The following KMT2D variants were observed in gnomAD, a reference collection of about 807,000 sequenced individuals.
The protein encoded by KMT2D is histone-lysine N-methyltransferase 2D.
In KMT2D, 55 loss-of-function variants were observed where a neutral mutation model predicts 512.7. The observed-to-expected ratio is 0.11, with a 90% CI of 0.09 to 0.13. The LOEUF is 0.13. Among genes scored for constraint, KMT2D ranks in the 10% least tolerant of loss-of-function variants. The probability of loss-of-function intolerance (pLI) is 1.00; values close to 1 mark genes in which losing one functional copy is unlikely to be tolerated. For synonymous variants in KMT2D, 2,995 were observed against 2,904.0 expected (o/e 1.03, Z -1.01); for missense variants, 6,061 against 7,127.9 (o/e 0.85, Z 5.39).
chr12:49,039,336 A>G lies in KMT2D; in HGVS notation c.8252T>C (p.Leu2751Ser), dbSNP rs1336704788. The G allele has an allele frequency of 6.2e-7, 1 of 1,613,462 alleles. No homozygotes were observed. The highest frequency in any genetic ancestry group is 1.7e-5 in the Admixed American group (1 of 59,960). ...GTQDKSSLVG[L>S]PPSKLSGPIL... ...GGGGCCACTCAGCTTGCTTGGGGGC[A>G]ACCCCACAAGGCTGCTCTTGTCCTA... The change falls in exon 34 of 55, where the codon TTG (leucine) becomes TCG (serine). Residue 2751 changes from leucine (L) to serine (S), a missense_variant. Leu to Ser is a moderately radical substitution (Grantham distance 145, BLOSUM62 -2). Around this residue, in one of 16 missense-constraint regions of KMT2D, gnomAD observed 527 missense variants for 578.9 expected, o/e 0.91. Transcript: ENST00000301067. This position sits in a 1 kb window ranked among gnomAD's most constrained non-coding sequence, Gnocchi z 5.0.
At position 49,044,040 on chromosome 12, in the gene KMT2D, G is replaced by A. The variant is rs751296002; in HGVS notation, c.5189-42C>T. 3.7e-6 allele frequency: 6 copies of A among 1,610,328 alleles called. No homozygotes were observed. Among genetic ancestry groups the A allele is most frequent in the African/African-American group, 1.3e-5 (1 of 74,864 alleles). Reference sequence around the variant, plus strand: ...AGTGTCAGACTCGGGTTGAGAGCATGCTGCTCCCAACTTGCAGGGTGACAC... The same window carrying A: ...AGTGTCAGACTCGGGTTGAGAGCATACTGCTCCCAACTTGCAGGGTGACAC... On this transcript the variant is annotated intron_variant, in intron 22 of 54. Transcript: ENST00000301067. This position sits in a 1 kb window ranked among gnomAD's most constrained non-coding sequence, Gnocchi z 6.4.
Position 49,040,240 on chromosome 12 carries a change from G to A in KMT2D, c.7530C>T (p.Val2510=), listed in dbSNP as rs1327391253. ...AGPAGELHAK[V]PSGQPPNFVR... Reference sequence around the variant, plus strand: ...CAAAATTGGGGGGCTGCCCACTTGGGACCTTGGCATGGAGCTCACCTGCTG... The same window carrying A: ...CAAAATTGGGGGGCTGCCCACTTGGAACCTTGGCATGGAGCTCACCTGCTG... Residue 2510 remains valine, a synonymous_variant, in exon 32 of 55, where the codon GTC becomes GTT. Transcript: ENST00000301067. 1 of 1,612,952 alleles carries A rather than the reference G, an allele frequency of 6.2e-7. No individual in the cohort carries two copies. Among genetic ancestry groups the A allele is most frequent in the Admixed American group, 1.7e-5 (1 of 59,990 alleles).
In KMT2D at chr12:49,052,178, G is replaced by A. The variant is rs1449395575; in HGVS notation, c.1505C>T (p.Pro502Leu). The change falls in exon 11 of 55, where the codon CCT becomes CTT. Residue 502 changes from proline to leucine, a missense_variant. Coordinates refer to ENST00000301067, the MANE Select transcript of KMT2D (RefSeq NM_003482.4). The part of the protein sequence containing the change: ...SPLSPPPEES[P>L]LSPPPESSPF... The stretch of plus-strand genomic sequence containing the variant: ...TGATGATTCAGGTGGGGGAGACAGA[G>A]GAGACTCCTCAGGCGGCGGAGAGAG... The A allele has an allele frequency of 6.2e-7, 1 of 1,613,598 alleles. No homozygotes were observed. The highest frequency in any genetic ancestry group is 1.1e-5 in the South Asian group (1 of 91,076).
At chr12:49,056,565 C>T (rs1592165075) in intron 1 of KMT2D, among the ~76,000 whole-genome samples, 2 of 152,202 alleles carry the variant, frequency 1.3e-5, no homozygotes, top group South Asian at 4.1e-4. Context: ...TAGACCCTTT[C>T]TCTTAATCAG....
rs376896214 is a variant in KMT2D at position 49,050,454 on chromosome 12, G to A, written c.3134C>T (p.Pro1045Leu). ...GGAGGGAACGGACAGTGGTAGGGCA[G>A]GAGGAGAGCACTGGGAAGGAGGGGA... is the stretch of plus-strand genomic sequence containing the variant. ...QNSPPSQCSP[P>L]ALPLSVPSPL... The change falls in exon 12 of 55, where the codon CCT (proline) becomes CTT (leucine). Residue 1045 changes from proline to leucine, a missense_variant. Physicochemically the swap from Pro to Leu is moderately conservative, Grantham distance 98. Transcript: ENST00000301067. 8.7e-6 allele frequency: 14 copies of A among 1,613,902 alleles called. No individual in the cohort carries two copies. In the African/African-American group the frequency reaches 1.6e-4, roughly 18 times the overall value.
chr12:49,028,173 A>AT, intron 46 of KMT2D, 32 bp from the exon 47 acceptor site: 2 of 1,613,454 alleles, frequency 1.2e-6, no homozygotes, highest in Non-Finnish European at 1.7e-6. Flanking sequence ...TGGAAGAAAC[A>AT]TATCAGCCAA....
Position 49,046,339 on chromosome 12 carries a change from C to T in KMT2D, c.4504G>A (p.Ala1502Thr), listed in dbSNP as rs1203446431. The stretch of plus-strand genomic sequence containing the variant: ...CAGATAGGGCAGGTCACCAGGCTGG[C>T]ACAGGGCCCACAGTGTGTGTAACTA... ...QNSYTHCGPC[A>T]SLVTCPICHA... Residue 1502 changes from alanine to threonine, a missense_variant, in exon 17 of 55, where the codon GCC becomes ACC. Coordinates refer to ENST00000301067, the MANE Select transcript of KMT2D (RefSeq NM_003482.4). This position sits in a 1 kb window ranked among gnomAD's most constrained non-coding sequence, Gnocchi z 4.2. 2 of 1,613,962 alleles carry T rather than the reference C, an allele frequency of 1.2e-6. No homozygotes were observed. Among genetic ancestry groups the T allele is most frequent in the Non-Finnish European group, 1.7e-6 (2 of 1,179,878 alleles).
rs1392684691 is a variant in KMT2D at position 49,037,484 on chromosome 12, G to A, written c.9872C>T (p.Pro3291Leu). 1 of 1,560,968 alleles carries A rather than the reference G, an allele frequency of 6.4e-7. No individual in the cohort carries two copies. Among genetic ancestry groups the A allele is most frequent in the Non-Finnish European group, 8.7e-7 (1 of 1,152,538 alleles). Reference sequence around the variant, plus strand: ...ATGTGGCAAAGACATGGCCTGGGCAGGGCCTGGTGCAGACAGTAGGGAATG... The same window carrying A: ...ATGTGGCAAAGACATGGCCTGGGCAAGGCCTGGTGCAGACAGTAGGGAATG... ...QQHSLLSAPG[P>L]AQAMSLPHEG... is the part of the protein sequence containing the mutation. The change falls in exon 35 of 55, where the codon CCT becomes CTT. Residue 3291 changes from proline to leucine, a missense_variant. This residue lies in a region of KMT2D where 533 missense variants were observed against 539.6 expected (regional missense o/e 0.99). Transcript: ENST00000301067.
rs1213099379 is a variant in KMT2D at position 49,039,123 on chromosome 12, T to C, written c.8366+99A>G. 3 of 1,545,908 alleles carry C rather than the reference T, an allele frequency of 1.9e-6. No homozygotes were observed. Among genetic ancestry groups the C allele is most frequent in the Non-Finnish European group, 2.7e-6 (3 of 1,125,066 alleles). ...AATGAGGAAGAAGAGAAAGTGATAC[T>C]GGAAAAGGATTAGTGATACAGGAAA... On this transcript the variant is annotated intron_variant, in intron 34 of 54. Coordinates refer to ENST00000301067, the MANE Select transcript of KMT2D (RefSeq NM_003482.4). The surrounding 1 kb of genome is among the most constrained non-coding windows in gnomAD (Gnocchi z 5.0).
In KMT2D at chr12:49,032,798, C is replaced by T. The variant is rs375458808; in HGVS notation, c.11907G>A (p.Gln3969=). ...AAAGGCCCATCTGCTGCTGTTGCTG[C>T]TGCTGTTGAAACTGCTGCTGTTGTT... is the stretch of plus-strand genomic sequence containing the variant. The part of the protein sequence containing the change: ...QQQQQQQFQQ[Q]QQQQQMGLLN... The change falls in exon 40 of 55, where the codon CAG becomes CAA. Residue 3969 remains glutamine (Q), a synonymous_variant. Coordinates refer to ENST00000301067, the MANE Select transcript of KMT2D (RefSeq NM_003482.4). The T allele has an allele frequency of 1.5e-5, 23 of 1,552,668 alleles. No individual in the cohort carries two copies. Among genetic ancestry groups the T allele is most frequent in the South Asian group, 2.4e-5 (2 of 84,256 alleles).
chr12:49,030,826 AC>A, intron 41 of KMT2D, 58 bp from the exon 42 acceptor site: 1 of 1,612,688 alleles, frequency 6.2e-7, no homozygotes, highest in Non-Finnish European at 8.5e-7. Context: ...GCTGTCTTGC[AC>A]AGCTGGGGGA....
At position 49,040,707 on chromosome 12, in the gene KMT2D, C is replaced by A. The variant is rs2120533005; in HGVS notation, c.7063G>T (p.Ala2355Ser). The A allele has an allele frequency of 6.2e-7, 1 of 1,613,654 alleles. No individual in the cohort carries two copies. Among genetic ancestry groups the A allele is most frequent in the Non-Finnish European group, 8.5e-7 (1 of 1,179,772 alleles). Residue 2355 changes from alanine (A) to serine (S), a missense_variant, in exon 32 of 55, where the codon GCC (alanine) becomes TCC (serine). Ala to Ser is a moderately conservative substitution (Grantham distance 99). Coordinates refer to ENST00000301067, the MANE Select transcript of KMT2D (RefSeq NM_003482.4). ...LGLRPQEPPP[A>S]QALAPSPPSH... Reference sequence around the variant, plus strand: ...GGAGGAGAAGGTGCCAAAGCCTGGGCAGGGGGTGGCTCCTGGGGCCTTAGG... The same window carrying A: ...GGAGGAGAAGGTGCCAAAGCCTGGGAAGGGGGTGGCTCCTGGGGCCTTAGG...
Position 49,060,596 on chromosome 12 carries a change from C to A in KMT2D, c.-1021G>T, listed in dbSNP as rs924858289. ...AGTGCAGCGCGGCGCCGCTCCGCCT[C>A]CCCCCCTCCGCCTCCTGTTCGGCCG... On this transcript the variant is annotated 5_prime_UTR_variant, in exon 1 of 55. Transcript: ENST00000301067. Among the ~76,000 whole-genome samples the A allele has an allele frequency of 4.0e-5, 6 of 151,804 alleles. No homozygotes were observed. Among genetic ancestry groups the A allele is most frequent in the Admixed American group, 1.3e-4 (2 of 15,208 alleles).
At chr12:49,034,978 G>A (rs2120462974) in intron 35 of KMT2D, 43 bp from the exon 36 acceptor site, 6 of 1,607,746 alleles carry the variant, frequency 3.7e-6, no homozygotes, top group Non-Finnish European at 5.1e-6. Flanking sequence ...TGGGGCCAAT[G>A]CTCCAGTGAA....
Position 49,037,551 on chromosome 12 carries a change from G to C in KMT2D, c.9805C>G (p.Gln3269Glu), listed in dbSNP as rs2120481555. The C allele has an allele frequency of 6.4e-7, 1 of 1,554,150 alleles. No homozygotes were observed. Among genetic ancestry groups the C allele is most frequent in the Non-Finnish European group, 8.7e-7 (1 of 1,148,572 alleles). ...ELQKKQQLSA[Q>E]LQPAQQQQQQ... ...TGCTGCTGCTGGGCAGGCTGCAACT[G>C]TGCTGAAAGCTGCTGCTTCTTCTGC... Residue 3269 changes from glutamine (Q) to glutamate (E), a missense_variant, in exon 35 of 55, where the codon CAG becomes GAG. By Grantham distance (29) the Gln-to-Glu change is conservative. Transcript: ENST00000301067.
chr12:49,021,316 A>AG lies in KMT2D; in HGVS notation c.*463dup, dbSNP rs201717312. 2,302 of 240,918 alleles carry AG rather than the reference A, an allele frequency of 9.6e-3. 13 individuals are homozygous for AG. Among genetic ancestry groups the AG allele is most frequent in the Non-Finnish European group, 0.014 (1,760 of 122,734 alleles). The allele number at this position is 240,918 out of a possible 1,614,324, so 14.9% of individuals were successfully genotyped here. ...AGGGTGGGGGCAGGACCCGGCAGGC[A>AG]GGGCCAGGTGTGGGACCCGGCCTTT... On this transcript the variant is annotated 3_prime_UTR_variant, in exon 55 of 55. Transcript: ENST00000301067.
intron 49 of KMT2D, among the ~76,000 whole-genome samples, chr12:49,025,824 AAAT>A: frequency 6.6e-6 from 1 of 152,202 alleles, no homozygotes; most frequent in East Asian, 1.9e-4. Context: ...ACTAAAATCA[AAAT>A]AATTCTGATT....
In KMT2D at chr12:49,039,183, C is replaced by G. The variant is rs2049739452; in HGVS notation, c.8366+39G>C. 2 of 1,608,172 alleles carry G rather than the reference C, an allele frequency of 1.2e-6. No homozygotes were observed. The highest frequency in any genetic ancestry group is 1.7e-6 in the Non-Finnish European group (2 of 1,177,148). The stretch of plus-strand genomic sequence containing the variant: ...GCTTCCAACAGTGATAAAATCCATC[C>G]CCCTTGGTTTACCCCCAGGGAACCT... On this transcript the variant is annotated intron_variant, in intron 34 of 54. Coordinates refer to ENST00000301067, the MANE Select transcript of KMT2D (RefSeq NM_003482.4). This position sits in a 1 kb window ranked among gnomAD's most constrained non-coding sequence, Gnocchi z 5.0.
intron 19 of KMT2D, 149 bp downstream of exon 19, chr12:49,045,771 T>C: frequency 2.7e-6 from 2 of 729,586 alleles, no homozygotes; most frequent in South Asian, 1.5e-5. Context: ...GCCACTAACT[T>C]ACTAGGTGAC....
Sources: gnomAD v4.1 joint callset for allele counts (sites outside exome capture counted in the v4.1 genomes callset) on GRCh38, gnomAD v4.1.1 for gene constraint, gnomAD v4.1.1 regional missense constraint, Gnocchi (gnomAD v3.1) non-coding constraint, MANE v1.5 for transcripts, NCBI Gene and HGNC (gene_info 2026-07-23, HGNC 2026-07-21) for gene names.